The following UNC5C variants were observed in gnomAD, a reference collection of about 807,000 sequenced individuals.
UNC5C encodes the protein netrin receptor UNC5C.
UNC5C carries 47 observed loss-of-function variants against 99.8 expected under a neutral mutation model. The observed-to-expected ratio is 0.47, with a 90% CI of 0.37 to 0.60. The LOEUF (loss-of-function observed/expected upper bound fraction) is 0.60. Among genes scored for constraint, UNC5C ranks in the 20% least tolerant of loss-of-function variants. The probability of loss-of-function intolerance (pLI) is 0.00; values close to 1 mark genes in which losing one functional copy is unlikely to be tolerated. For synonymous variants in UNC5C, 487 were observed against 452.2 expected (o/e 1.08, Z -0.98); for missense variants, 1,062 against 1,165.9 (o/e 0.91, Z 1.30).
At chr4:95,170,748 C>G (rs573768727) in intron 14 of UNC5C, among the ~76,000 whole-genome samples, 1 of 152,304 alleles carries the variant, frequency 6.6e-6, no homozygotes, top group South Asian at 2.1e-4. Context: ...ATCTGAGATT[C>G]AAGGCTTCTG....
Position 95,525,596 on chromosome 4 carries a change from T to TAAAAA in UNC5C, c.124+23133_124+23137dup, listed in dbSNP as rs574532435. On this transcript the variant is annotated intron_variant, in intron 1 of 15. Transcript: ENST00000453304. Reference sequence around the variant, plus strand: ...ATAGCAGTGTGCAAAGCCTATTTCTTAAAAAAAAAAAAAAAAAAAAAAGAC... The same window carrying TAAAAA: ...ATAGCAGTGTGCAAAGCCTATTTCTTAAAAAAAAAAAAAAAAAAAAAAAAAAAGAC... 4.9e-3 allele frequency among the ~76,000 whole-genome samples: 497 copies of TAAAAA among 102,138 alleles called. 37 individuals are homozygous for TAAAAA. Among genetic ancestry groups the TAAAAA allele is most frequent in the Non-Finnish European group, 7.1e-3 (382 of 54,022 alleles). 67.0% of individuals were successfully genotyped at this position (102,138 alleles called of 152,430 possible). A position where few individuals can be genotyped will look rare whatever the true frequency, so the allele number is the denominator to read the frequency against.
At position 95,412,862 on chromosome 4, in the gene UNC5C, G is replaced by C. The variant is rs149182677; in HGVS notation, c.125-77231C>G. Among the ~76,000 whole-genome samples the C allele has an allele frequency of 5.3e-3, 809 of 152,282 alleles. 8 individuals are homozygous for C. Among genetic ancestry groups the C allele is most frequent in the African/African-American group, 0.018 (762 of 41,552 alleles). ...AAGAGAAAGGCCAGGTAGCAAAAGG[G>C]TGAGGCTGGCATGGACAGGAACAGT... On this transcript the variant is annotated intron_variant, in intron 1 of 15. Coordinates refer to ENST00000453304, the MANE Select transcript of UNC5C (RefSeq NM_003728.4).
chr4:95,307,987 A>G (rs1201762420), intron 2 of UNC5C, among the ~76,000 whole-genome samples: 1 of 152,238 alleles, frequency 6.6e-6, no homozygotes, highest in African/African-American at 2.4e-5. Context: ...AAAGCTATAT[A>G]TGACAAGCCC....
intron 1 of UNC5C, among the ~76,000 whole-genome samples, chr4:95,405,619 T>G (rs1436028742): frequency 6.6e-6 from 1 of 152,108 alleles, no homozygotes; most frequent in Non-Finnish European, 1.5e-5. Flanking sequence ...TATAAGGGGT[T>G]TATTAAGAGA....
At chr4:95,497,762 GA>G (rs1484323255) in intron 1 of UNC5C, among the ~76,000 whole-genome samples, 10 of 151,928 alleles carry the variant, frequency 6.6e-5, no homozygotes, top group Non-Finnish European at 1.2e-4. Flanking sequence ...AGAAAGTTAA[GA>G]AACTGTAGCA....
chr4:95,449,322 A>G (rs1256731236), intron 1 of UNC5C, among the ~76,000 whole-genome samples: 1 of 152,226 alleles, frequency 6.6e-6, no homozygotes, highest in East Asian at 1.9e-4. Flanking sequence ...CCAAAATTCC[A>G]GGCCTTTCAT....
chr4:95,454,870 G>A (rs910368714), intron 1 of UNC5C, among the ~76,000 whole-genome samples: 1 of 151,894 alleles, frequency 6.6e-6, no homozygotes, highest in Non-Finnish European at 1.5e-5. Flanking sequence ...TCCAAAGATC[G>A]CTGAACATTT....
chr4:95,171,882 A>T (rs531582826), intron 14 of UNC5C, among the ~76,000 whole-genome samples: 13 of 151,986 alleles, frequency 8.6e-5, no homozygotes, highest in Admixed American at 3.3e-4. Context: ...CTGTTTCTCC[A>T]CATCCTCTCT....
chr4:95,318,494 A>T (rs1487717856), intron 2 of UNC5C, among the ~76,000 whole-genome samples: 1 of 152,216 alleles, frequency 6.6e-6, no homozygotes, highest in Non-Finnish European at 1.5e-5. Flanking sequence ...CAAAGCCTGG[A>T]TGCAGAAATC....
At chr4:95,450,930 A>C (rs952355982) in intron 1 of UNC5C, among the ~76,000 whole-genome samples, 4 of 152,210 alleles carry the variant, frequency 2.6e-5, no homozygotes, top group African/African-American at 9.6e-5. Context: ...CCAAAAGACT[A>C]ATGTAGCATA....
At chr4:95,488,049 C>T (rs2629833) in intron 1 of UNC5C, among the ~76,000 whole-genome samples, 83,438 of 151,390 alleles carry the variant, frequency 0.55, 23,720 homozygotes, top group African/African-American at 0.69. Flanking sequence ...CTTTCACCTT[C>T]CTTTGGTTAA....
chr4:95,454,109 A>G (rs1007537319), intron 1 of UNC5C, among the ~76,000 whole-genome samples: 3 of 152,104 alleles, frequency 2.0e-5, no homozygotes, highest in African/African-American at 7.2e-5. Flanking sequence ...TTGTGAGTGC[A>G]CAAAAAAACC....
At chr4:95,423,797 A>G (rs1578154999) in intron 1 of UNC5C, among the ~76,000 whole-genome samples, 1 of 152,316 alleles carries the variant, frequency 6.6e-6, no homozygotes, top group East Asian at 1.9e-4. Context: ...ACATGTCAGC[A>G]TTTCTATTGG....
chr4:95,546,448 A>G (rs1723070751), intron 1 of UNC5C, among the ~76,000 whole-genome samples: 1 of 152,220 alleles, frequency 6.6e-6, no homozygotes, highest in African/African-American at 2.4e-5. Context: ...TTTGATAACT[A>G]ACAGACAACA....
intron 2 of UNC5C, among the ~76,000 whole-genome samples, chr4:95,306,857 T>C (rs780768333): frequency 5.3e-5 from 8 of 152,204 alleles, no homozygotes; most frequent in Non-Finnish European, 1.0e-4. Context: ...GTAAGAAATA[T>C]ACAAAGCTGC....
At chr4:95,179,187 T>G (rs936320240) in intron 14 of UNC5C, among the ~76,000 whole-genome samples, 12 of 152,174 alleles carry the variant, frequency 7.9e-5, no homozygotes, top group African/African-American at 2.4e-4. Flanking sequence ...TGAAACAACT[T>G]TCTATTCTGA....
intron 14 of UNC5C, among the ~76,000 whole-genome samples, chr4:95,180,005 A>ACCC (rs11372697): frequency 1.3e-3 from 200 of 150,730 alleles, no homozygotes; most frequent in African/African-American, 4.6e-3. Flanking sequence ...TTGATGACAG[A>ACCC]CCCCCCCCAC....
rs774580929 is a variant in UNC5C, at chr4:95,244,951, T to C, written c.943+26A>G. The stretch of plus-strand genomic sequence containing the variant: ...TGTTTCTTGAATAATAGGAGATACT[T>C]GGAATGAGAGGACTGGTTTATTTAC... On this transcript the variant is annotated intron_variant, in intron 6 of 15. Coordinates refer to ENST00000453304, the MANE Select transcript of UNC5C (RefSeq NM_003728.4). 37 of 1,612,120 alleles carry C rather than the reference T, an allele frequency of 2.3e-5. No homozygotes were observed. The South Asian group carries it at 4.0e-4, about 17-fold the overall frequency.
chr4:95,330,778 T>G (rs1743081272), intron 2 of UNC5C, among the ~76,000 whole-genome samples: 2 of 152,138 alleles, frequency 1.3e-5, no homozygotes, highest in Admixed American at 1.3e-4. Context: ...CAATTAATAA[T>G]GGTATCTGTG....
Sources: allele counts gnomAD v4.1 joint callset (sites outside exome capture counted in the v4.1 genomes callset), GRCh38; gene constraint gnomAD v4.1.1; transcripts MANE v1.5; gene names NCBI Gene and HGNC (gene_info 2026-07-23, HGNC 2026-07-21).